Variants in TVP23B observed in about 807,000 individuals in gnomAD.
TVP23B encodes trans-golgi network vesicle protein 23 homolog B.
TVP23B carries 10 observed loss-of-function variants against 30.6 expected under a neutral mutation model. The observed-to-expected ratio is 0.33, with a 90% CI of 0.20 to 0.55. TVP23B has a LOEUF of 0.55. Among genes scored for constraint, TVP23B ranks in the 20% least tolerant of loss-of-function variants. The pLI is 0.91. For synonymous variants in TVP23B, 67 were observed against 83.1 expected, an observed-to-expected ratio of 0.81 and a Z score of 1.06; for missense variants, 153 against 243.2, an observed-to-expected ratio of 0.63 and a Z score of 2.47.
rs1223337470 is a variant in TVP23B at position 18,805,975 on chromosome 17, C to G, written c.*408C>G. ...AGCTCTATATGTTTACATATTATTT[C>G]TGTAGATTGTTTTCAGGAGAAAGTT... On this transcript the variant is annotated 3_prime_UTR_variant, in exon 7 of 7. Coordinates refer to ENST00000307767, the MANE Select transcript of TVP23B (RefSeq NM_016078.6). 2 of 973,398 alleles carry G rather than the reference C, an allele frequency of 2.1e-6. No individual in the cohort carries two copies. Among genetic ancestry groups the G allele is most frequent in the Non-Finnish European group, 2.4e-6 (2 of 817,298 alleles). The allele number at this position is 973,398 out of a possible 1,614,324, so 60.3% of individuals were successfully genotyped here.
intron 1 of TVP23B, among the ~76,000 whole-genome samples, chr17:18,783,075 C>CTATGTATTTATT (rs2035832925): frequency 1.3e-5 from 1 of 77,258 alleles, no homozygotes; most frequent in Non-Finnish European, 3.1e-5. Context: ...ACTGTTCCCA[C>CTATGTATTTATT]TATTTATTTA....
chr17:18,793,443 T>TAA (rs67506831), intron 3 of TVP23B, among the ~76,000 whole-genome samples: 22 of 100,244 alleles, frequency 2.2e-4, no homozygotes, highest in South Asian at 2.0e-3. Context: ...CCATCTCTGC[T>TAA]AAAAAAAAAA....
chr17:18,799,828 C>T (rs546908286), intron 5 of TVP23B, among the ~76,000 whole-genome samples: 68 of 151,848 alleles, frequency 4.5e-4, no homozygotes, highest in African/African-American at 1.6e-3. Flanking sequence ...GTTTTTCCTC[C>T]TAATTTGTAG....
At chr17:18,785,860 A>G (rs1567631297) in intron 1 of TVP23B, among the ~76,000 whole-genome samples, 2 of 151,978 alleles carry the variant, frequency 1.3e-5, no homozygotes, top group South Asian at 2.1e-4. Flanking sequence ...CAGTCTGGGC[A>G]GGAGCTTAGG....
Position 18,790,916 on chromosome 17 carries a change from T to C in TVP23B, c.116T>C (p.Phe39Ser). ...TTCAGACATCCAGTAGCATCGTTTT[T>C]CCACTTATTCTTTCGAGTCAGTGCA... ...AKIRHPVASF[F>S]HLFFRVSAII... Residue 39 changes from phenylalanine (F) to serine (S), a missense_variant, in exon 3 of 7, where the codon TTC becomes TCC. Physicochemically the swap from Phe to Ser is radical, Grantham distance 155. This residue lies in a region of TVP23B where 53 missense variants were observed against 128.0 expected (regional missense o/e 0.41). Transcript: ENST00000307767. 1.2e-6 allele frequency: 2 copies of C among 1,610,860 alleles called. No homozygotes were observed. Among genetic ancestry groups the C allele is most frequent in the Middle Eastern group, 1.7e-4 (1 of 6,054 alleles).
At chr17:18,789,474 A>G in intron 2 of TVP23B, 39 bp downstream of exon 2, 1 of 1,613,852 alleles carries the variant, frequency 6.2e-7, no homozygotes, top group Non-Finnish European at 8.5e-7. Context: ...GTTAGTGTCC[A>G]GTGCTGTTCT....
At chr17:18,782,047 A>T (rs961154037) in intron 1 of TVP23B, 11 of 151,982 alleles carry the variant, frequency 7.2e-5, no homozygotes, top group African/African-American at 2.7e-4. Context: ...AGATATTTTC[A>T]GATAATTGCA....
chr17:18,786,283 A>G (rs1451487771), intron 1 of TVP23B, among the ~76,000 whole-genome samples: 1 of 151,420 alleles, frequency 6.6e-6, no homozygotes, highest in Non-Finnish European at 1.5e-5. Flanking sequence ...CAGGTTCCAG[A>G]GATTAGAACC....
rs774950164 is a variant in TVP23B, at chr17:18,790,876, C to T, written c.96-20C>T. The T allele has an allele frequency of 1.3e-6, 2 of 1,596,154 alleles. No homozygotes were observed. Among genetic ancestry groups the T allele is most frequent in the South Asian group, 2.3e-5 (2 of 87,924 alleles). ...TAGTAAAATGTAATTGCATTTCTTT[C>T]ATTGTGTTTTGGTTTTCAGACATCC... On this transcript the variant is annotated intron_variant, in intron 2 of 6. Transcript: ENST00000307767.
At chr17:18,788,194 G>C (rs2035936993) in intron 1 of TVP23B, among the ~76,000 whole-genome samples, 2 of 151,938 alleles carry the variant, frequency 1.3e-5, no homozygotes, top group African/African-American at 2.4e-5. Flanking sequence ...AGCCAGGCAT[G>C]GTGGCACGCG....
intron 1 of TVP23B, among the ~76,000 whole-genome samples, chr17:18,784,539 G>A (rs534520894): frequency 1.4e-3 from 208 of 152,318 alleles, no homozygotes; most frequent in African/African-American, 4.7e-3. Flanking sequence ...CAGCTACTCG[G>A]GAGGCTGAGG....
chr17:18,781,693 C>T, intron 1 of TVP23B: 1 of 285,742 alleles, frequency 3.5e-6, no homozygotes, highest in East Asian at 6.1e-5. Flanking sequence ...CCGCCAGAGC[C>T]TCGCTTTCAA....
chr17:18,796,955 G>C, intron 3 of TVP23B: 1 of 154,650 alleles, frequency 6.5e-6, no homozygotes, highest in Non-Finnish European at 1.4e-5. Context: ...TTCCCTTGCA[G>C]GACTTAACTC....
At chr17:18,789,961 T>C (rs1225506819) in intron 2 of TVP23B, among the ~76,000 whole-genome samples, 1 of 152,166 alleles carries the variant, frequency 6.6e-6, no homozygotes, top group Non-Finnish European at 1.5e-5. Flanking sequence ...AGACAGAAGA[T>C]AGATTAGCTG....
chr17:18,799,762 T>C (rs931365803), intron 5 of TVP23B, among the ~76,000 whole-genome samples: 8 of 152,172 alleles, frequency 5.3e-5, no homozygotes, highest in Admixed American at 1.3e-4. Context: ...GAATAAATAT[T>C]GTGTGAATTT....
rs56889377 is a variant in TVP23B at position 18,805,668 on chromosome 17, C to T, written c.*101C>T. The T allele has an allele frequency of 0.082, 122,958 of 1,504,658 alleles. 5,240 individuals carry two copies. Among genetic ancestry groups the T allele is most frequent in the African/African-American group, 0.11 (8,010 of 69,942 alleles). The allele number at this position is 1,504,658 out of a possible 1,614,324, so 93.2% of individuals were successfully genotyped here. On this transcript the variant is annotated 3_prime_UTR_variant, in exon 7 of 7. Coordinates refer to ENST00000307767, the MANE Select transcript of TVP23B (RefSeq NM_016078.6). The stretch of plus-strand genomic sequence containing the variant: ...TCCATGTTGCAACGAGGAGTGTTGG[C>T]TTTGTTTTTCCACTTAAAAACTTTA...
intron 1 of TVP23B, among the ~76,000 whole-genome samples, chr17:18,784,155 A>AACAAACAAAC (rs1281528321): frequency 1.3e-5 from 2 of 151,440 alleles, no homozygotes; most frequent in Non-Finnish European, 2.9e-5. Flanking sequence ...AAAACAAACA[A>AACAAACAAAC]ACAAACAAAC....
chr17:18,787,207 C>A (rs1273084532), intron 1 of TVP23B, among the ~76,000 whole-genome samples: 3 of 152,114 alleles, frequency 2.0e-5, no homozygotes, highest in Non-Finnish European at 4.4e-5. Flanking sequence ...CCAGCCTGGC[C>A]AACGTGGTGA....
intron 1 of TVP23B, 51 bp downstream of exon 1, chr17:18,781,356 T>A: frequency 6.4e-7 from 1 of 1,559,972 alleles, no homozygotes; most frequent in Non-Finnish European, 8.7e-7. Flanking sequence ...GGACTGGCTC[T>A]GCAGGTTCCG....
Sources: allele counts gnomAD v4.1 joint callset (sites outside exome capture counted in the v4.1 genomes callset), GRCh38; gene constraint gnomAD v4.1.1; regional missense constraint gnomAD v4.1.1; transcripts MANE v1.5; gene names NCBI Gene and HGNC (gene_info 2026-07-23, HGNC 2026-07-21).